PTPN9: variants seen among roughly 807,000 people sequenced by gnomAD.
PTPN9 encodes tyrosine-protein phosphatase non-receptor type 9.
A neutral mutation model predicts 69.8 loss-of-function variants in PTPN9; 26 were observed. The ratio of observed to expected loss-of-function variants is 0.37; its 90% CI spans 0.27 to 0.52. The LOEUF (loss-of-function observed/expected upper bound fraction) is 0.52. Ranked by LOEUF, PTPN9 falls within the 20% of genes least tolerant of loss-of-function variation. PTPN9 has a pLI of 0.91. For synonymous variants in PTPN9, 274 were observed against 272.5 expected (o/e 1.01, Z -0.05); for missense variants, 549 against 740.3 (o/e 0.74, Z 3.00).
chr15:75,560,849 T>A (rs1479857585), intron 1 of PTPN9, among the ~76,000 whole-genome samples: 1 of 151,788 alleles, frequency 6.6e-6, no homozygotes, highest in Non-Finnish European at 1.5e-5. Context: ...TGAAACGCCG[T>A]CTCTACTAAA....
chr15:75,544,987 C>A (rs2075025861), intron 1 of PTPN9, among the ~76,000 whole-genome samples: 1 of 152,198 alleles, frequency 6.6e-6, no homozygotes, highest in Admixed American at 6.5e-5. Flanking sequence ...CTAAATCCTA[C>A]TTCATCCTAT....
intron 5 of PTPN9, among the ~76,000 whole-genome samples, chr15:75,511,104 T>A (rs1421440592): frequency 6.6e-6 from 1 of 152,228 alleles, no homozygotes; most frequent in Non-Finnish European, 1.5e-5. Context: ...ATTTTTCTTA[T>A]CTATTAATCC....
chr15:75,527,458 G>A (rs545328086), intron 1 of PTPN9, among the ~76,000 whole-genome samples, 197 bp from the exon 2 acceptor site: 9 of 152,150 alleles, frequency 5.9e-5, no homozygotes, highest in Admixed American at 3.9e-4. Context: ...AATTCAATGA[G>A]GCCAGAAGCC....
At chr15:75,515,515 C>T (rs1026629130) in intron 5 of PTPN9, among the ~76,000 whole-genome samples, 1 of 151,844 alleles carries the variant, frequency 6.6e-6, no homozygotes, top group African/African-American at 2.4e-5. Context: ...CACCTATAAT[C>T]CCAACACTTT....
chr15:75,484,402 C>A (rs1265525199), intron 8 of PTPN9, among the ~76,000 whole-genome samples: 1 of 152,178 alleles, frequency 6.6e-6, no homozygotes, highest in African/African-American at 2.4e-5. Flanking sequence ...ACAGACGAGC[C>A]AAACACCTGG....
intron 1 of PTPN9, among the ~76,000 whole-genome samples, chr15:75,528,695 A>AT (rs770826556): frequency 0.22 from 27,874 of 125,410 alleles, 3,600 homozygotes; most frequent in Non-Finnish European, 0.26. Context: ...CCCTCAGCAC[A>AT]TTTTTTTTTT....
chr15:75,565,240 T>C (rs1188277692), intron 1 of PTPN9, among the ~76,000 whole-genome samples: 1 of 152,090 alleles, frequency 6.6e-6, no homozygotes, highest in Non-Finnish European at 1.5e-5. Context: ...ATGGTTATGC[T>C]ATAAAACAAT....
chr15:75,576,488 C>T (rs536169550), intron 1 of PTPN9, among the ~76,000 whole-genome samples: 1 of 149,174 alleles, frequency 6.7e-6, no homozygotes, highest in East Asian at 2.0e-4. Flanking sequence ...GCCGAGATCA[C>T]GCCATTGTAC....
intron 7 of PTPN9, among the ~76,000 whole-genome samples, chr15:75,498,036 A>C (rs1334587262): frequency 7.0e-6 from 1 of 142,918 alleles, no homozygotes; most frequent in East Asian, 2.1e-4. Context: ...CTAAAAATAC[A>C]AAAAAAAAAA....
chr15:75,564,553 G>A lies in PTPN9; in HGVS notation c.63+14161C>T, dbSNP rs1000594237. Among the ~76,000 whole-genome samples the A allele has an allele frequency of 8.7e-5, 13 of 148,704 alleles. No homozygotes were observed. In the South Asian group the frequency reaches 1.1e-3, roughly 12 times the overall value. ...GGAGCTTGCAGTGAGCCAGAATCGC[G>A]CCACTGACTCCAGCCTGGCCGACAG... is the stretch of plus-strand genomic sequence containing the variant. On this transcript the variant is annotated intron_variant, in intron 1 of 12. Transcript: ENST00000618819.
chr15:75,490,106 C>T lies in PTPN9; in HGVS notation c.1062+102G>A, dbSNP rs563538154. 6 of 969,470 alleles carry T rather than the reference C, an allele frequency of 6.2e-6. No homozygotes were observed. In the South Asian group the frequency reaches 6.8e-5, roughly 11 times the overall value. The allele number at this position is 969,470 out of a possible 1,614,324, so 60.1% of individuals were successfully genotyped here. A position where few individuals can be genotyped will look rare whatever the true frequency, so the allele number is the denominator to read the frequency against. On this transcript the variant is annotated intron_variant, in intron 8 of 12. Coordinates refer to ENST00000618819, the MANE Select transcript of PTPN9 (RefSeq NM_002833.4). ...TAAACTCAAACCTAATCTCTCTGGC[C>T]TCGGAGTCTACTTTCATTCTACCGA...
At chr15:75,496,461 G>C (rs963321509) in intron 7 of PTPN9, among the ~76,000 whole-genome samples, 1 of 150,896 alleles carries the variant, frequency 6.6e-6, no homozygotes, top group African/African-American at 2.4e-5. Context: ...AGAGCTAAAT[G>C]AGCACCTACA....
chr15:75,548,864 A>T (rs1214787597), intron 1 of PTPN9, among the ~76,000 whole-genome samples: 1 of 151,928 alleles, frequency 6.6e-6, no homozygotes, highest in Non-Finnish European at 1.5e-5. Context: ...CGTGTTAGCC[A>T]GAATGGTCTC....
At chr15:75,513,142 T>C (rs1258743676) in intron 5 of PTPN9, 7 of 400,448 alleles carry the variant, frequency 1.7e-5, no homozygotes, top group East Asian at 1.4e-4. Flanking sequence ...GTCATGTAAA[T>C]AGACTAGGCC....
rs938929237 is a variant in PTPN9 at position 75,538,081 on chromosome 15, A to AAC, written c.64-10822_64-10821dup. On this transcript the variant is annotated intron_variant, in intron 1 of 12. Transcript: ENST00000618819. ...CTCGAAACAAAACAAAACAAAACAAAACACACACACACACAAAGCTTCACA... is the reference window on the plus strand; with the variant it reads ...CTCGAAACAAAACAAAACAAAACAAAACACACACACACACACAAAGCTTCACA... 2.6e-4 allele frequency among the ~76,000 whole-genome samples: 39 copies of AAC among 151,790 alleles called. 1 individual carries two copies. The highest frequency in any genetic ancestry group is 2.3e-3 in the South Asian group (11 of 4,796).
At position 75,493,756 on chromosome 15, in the gene PTPN9, G is replaced by A. The variant is rs146513851; in HGVS notation, c.969-3455C>T. Among the ~76,000 whole-genome samples the A allele has an allele frequency of 3.9e-3, 587 of 151,746 alleles. 5 individuals are homozygous for A. The highest frequency in any genetic ancestry group is 0.013 in the African/African-American group (551 of 41,374). On this transcript the variant is annotated intron_variant, in intron 7 of 12. Transcript: ENST00000618819. ...AGCCTGGGCAACAGAGCGAGACTCC[G>A]TCTCATTAAAAAAAAAAGAAAGAAA...
chr15:75,510,121 T>C (rs2074838686), intron 5 of PTPN9, among the ~76,000 whole-genome samples: 1 of 152,200 alleles, frequency 6.6e-6, no homozygotes, highest in African/African-American at 2.4e-5. Flanking sequence ...AATAATCTAA[T>C]GTGCACTATG....
At chr15:75,557,921 G>A (rs563948183) in intron 1 of PTPN9, among the ~76,000 whole-genome samples, 33 of 152,310 alleles carry the variant, frequency 2.2e-4, no homozygotes, top group African/African-American at 7.2e-4. Flanking sequence ...TGGGCTGGGC[G>A]CGGTGGCACA....
At chr15:75,526,282 G>A (rs1184529263) in intron 2 of PTPN9, among the ~76,000 whole-genome samples, 2 of 152,076 alleles carry the variant, frequency 1.3e-5, no homozygotes, top group Non-Finnish European at 2.9e-5. Flanking sequence ...ATGAGCCACC[G>A]CACCCAGCCC....
Sources: allele counts gnomAD v4.1 joint callset (sites outside exome capture counted in the v4.1 genomes callset), GRCh38; gene constraint gnomAD v4.1.1; transcripts MANE v1.5; gene names NCBI Gene and HGNC (gene_info 2026-07-23, HGNC 2026-07-21).